The following STK36 variants were observed in gnomAD, a reference collection of about 807,000 sequenced individuals.
STK36 encodes serine/threonine-protein kinase 36.
In STK36, 116 loss-of-function variants were observed where a neutral mutation model predicts 142.2. The ratio of observed to expected loss-of-function variants is 0.82; its 90% CI spans 0.70 to 0.95. The LOEUF (loss-of-function observed/expected upper bound fraction) is 0.95. Ranked by LOEUF, STK36 falls within the 40% of genes least tolerant of loss-of-function variation. STK36 has a pLI of 0.00. For missense variants in STK36, 1,422 were observed against 1,617.2 expected (o/e 0.88, Z 2.07); for synonymous variants, 619 against 641.7 (o/e 0.96, Z 0.53).
At position 218,697,923 on chromosome 2, in the gene STK36, G is replaced by A. The variant is rs781197058; in HGVS notation, c.2979G>A (p.Ala993=). The A allele has an allele frequency of 2.7e-5, 44 of 1,614,008 alleles. No individual in the cohort carries two copies. The highest frequency in any genetic ancestry group is 6.7e-5 in the Admixed American group (4 of 59,988). Residue 993 remains alanine (A), a synonymous_variant, in exon 25 of 27, where the codon GCG becomes GCA. Transcript: ENST00000295709. ...SVCQLLCFPF[A]LDMDADLLIG... The stretch of plus-strand genomic sequence containing the variant: ...GCCAGCTCCTTTGCTTCCCCTTTGC[G>A]CTGGACATGGATGCTGACCTCCTTA...
At chr2:218,699,959 G>A (rs184884262) in intron 26 of STK36, among the ~76,000 whole-genome samples, 204 of 150,168 alleles carry the variant, frequency 1.4e-3, no homozygotes, top group Middle Eastern at 3.4e-3. Flanking sequence ...AGTTTCACTC[G>A]TACTGCCCAG....
In STK36 at chr2:218,702,182, C is replaced by G. The variant is rs1442027369; in HGVS notation, c.*173C>G. Reference sequence around the variant, plus strand: ...TATATATAAAGCTTCTTCCTTCTCCCAGATGCAGGATGTTTTCAACCAGTA... The same window carrying G: ...TATATATAAAGCTTCTTCCTTCTCCGAGATGCAGGATGTTTTCAACCAGTA... On this transcript the variant is annotated 3_prime_UTR_variant, in exon 27 of 27. Coordinates refer to ENST00000295709, the MANE Select transcript of STK36 (RefSeq NM_015690.5). The G allele has an allele frequency of 1.1e-5, 8 of 760,334 alleles. No homozygotes were observed. Among genetic ancestry groups the G allele is most frequent in the Non-Finnish European group, 1.6e-5 (8 of 515,560 alleles). The allele number at this position is 760,334 out of a possible 1,614,324, so 47.1% of individuals were successfully genotyped here.
rs1269167594 is a variant in STK36 at position 218,690,408 on chromosome 2, A to C, written c.1659-42A>C. The C allele has an allele frequency of 2.6e-5, 40 of 1,534,858 alleles. No individual in the cohort carries two copies. In the Admixed American group the frequency reaches 6.3e-4, roughly 24 times the overall value. On this transcript the variant is annotated intron_variant, in intron 13 of 26. Coordinates refer to ENST00000295709, the MANE Select transcript of STK36 (RefSeq NM_015690.5). ...ACCCATTCACCACATCCAGGCTTTT[A>C]GTAGAGAGATAAGAAATCATGGGCT...
At chr2:218,696,655 T>C in intron 22 of STK36, 54 bp downstream of exon 22, 1 of 1,575,390 alleles carries the variant, frequency 6.3e-7, no homozygotes. Flanking sequence ...ACTGGGCATT[T>C]TGGGGAGCCT....
At chr2:218,679,517 A>G (rs367971956) in intron 7 of STK36, 43 bp from the exon 8 acceptor site, 18 of 1,593,582 alleles carry the variant, frequency 1.1e-5, no homozygotes, top group South Asian at 2.3e-5. Context: ...CACAGGGACT[A>G]TGGCCCCCAT....
intron 8 of STK36, 51 bp from the exon 9 acceptor site, chr2:218,679,842 C>A (rs780342281): frequency 1.9e-6 from 3 of 1,605,744 alleles, no homozygotes; most frequent in Non-Finnish European, 2.6e-6. Context: ...TTCATATTGT[C>A]CTATAGCAAT....
rs1009091796 is a variant in STK36, at chr2:218,675,383, A to G, written c.344A>G (p.Tyr115Cys). The stretch of plus-strand genomic sequence containing the variant: ...GCCCAGTTGGTGTCAGCCCTGTACT[A>G]TCTGCATTCCCACCGCATCCTACAC... ...IAAQLVSALY[Y>C]LHSHRILHRD... The change falls in exon 5 of 27, where the codon TAT (tyrosine) becomes TGT (cysteine). Residue 115 changes from tyrosine (Y) to cysteine (C), a missense_variant. Tyr to Cys is a radical substitution (Grantham distance 194). Coordinates refer to ENST00000295709, the MANE Select transcript of STK36 (RefSeq NM_015690.5). 2 of 1,611,832 alleles carry G rather than the reference A, an allele frequency of 1.2e-6. No individual in the cohort carries two copies. The highest frequency in any genetic ancestry group is 2.7e-5 in the African/African-American group (2 of 74,142).
chr2:218,680,118 A>G (rs750396799), intron 9 of STK36, 38 bp downstream of exon 9: 1 of 1,590,468 alleles, frequency 6.3e-7, no homozygotes, highest in African/African-American at 1.3e-5. Context: ...AGGGTGAGGT[A>G]TCTTGCACAT....
chr2:218,679,859 G>T, intron 8 of STK36, 34 bp from the exon 9 acceptor site: 2 of 1,606,366 alleles, frequency 1.2e-6, no homozygotes, highest in East Asian at 2.2e-5. Flanking sequence ...CAATCAAATA[G>T]CTCTGATTCA....
chr2:218,699,743 C>A (rs1467439373), intron 26 of STK36, among the ~76,000 whole-genome samples: 1 of 152,036 alleles, frequency 6.6e-6, no homozygotes, highest in Non-Finnish European at 1.5e-5. Context: ...CCTTTATTAT[C>A]TGGTTTAAAC....
chr2:218,675,967 T>C, intron 5 of STK36, 62 bp from the exon 6 acceptor site: 1 of 1,593,824 alleles, frequency 6.3e-7, no homozygotes. Context: ...CTATGTTAGG[T>C]AGTAGTGACC....
At chr2:218,674,124 G>A (rs1419996347) in intron 4 of STK36, among the ~76,000 whole-genome samples, 168 bp downstream of exon 4, 3 of 152,300 alleles carry the variant, frequency 2.0e-5, no homozygotes, top group East Asian at 3.9e-4. Flanking sequence ...TTATGTAAAC[G>A]TTGGAGTCAA....
intron 10 of STK36, among the ~76,000 whole-genome samples, chr2:218,681,949 T>C (rs992678592): frequency 1.3e-5 from 2 of 152,176 alleles, no homozygotes; most frequent in Non-Finnish European, 2.9e-5. Flanking sequence ...TTTTTTGAGA[T>C]GGAGTTTTGC....
At position 218,679,852 on chromosome 2, in the gene STK36, T is replaced by A. The variant is rs772069756; in HGVS notation, c.949-41T>A. 1.8e-5 allele frequency: 29 copies of A among 1,606,020 alleles called. No homozygotes were observed. In the South Asian group the frequency reaches 2.3e-4, roughly 13 times the overall value. The stretch of plus-strand genomic sequence containing the variant: ...TAGCATTCATATTGTCCTATAGCAA[T>A]CAAATAGCTCTGATTCAGTGTTGCC... On this transcript the variant is annotated intron_variant, in intron 8 of 26. Transcript: ENST00000295709.
intron 26 of STK36, among the ~76,000 whole-genome samples, chr2:218,701,102 A>G (rs1434285964): frequency 2.6e-5 from 4 of 151,424 alleles, no homozygotes; most frequent in African/African-American, 9.7e-5. Context: ...TGGGAAGTTC[A>G]TGCAGAGCAG....
At chr2:218,679,339 A>T (rs537395233) in intron 7 of STK36, 78 bp downstream of exon 7, 1 of 1,435,114 alleles carries the variant, frequency 7.0e-7, no homozygotes, top group East Asian at 2.3e-5. Context: ...TTCCCCGACC[A>T]TCTAGATATA....
intron 24 of STK36, 95 bp downstream of exon 24, chr2:218,697,705 C>A (rs918491778): frequency 3.6e-5 from 58 of 1,591,048 alleles, no homozygotes; most frequent in Admixed American, 1.0e-4. Flanking sequence ...AGCTATAAAG[C>A]AAGAAAGATG....
At position 218,688,728 on chromosome 2, in the gene STK36, A is replaced by G; in HGVS notation, c.1412A>G (p.His471Arg). The change falls in exon 12 of 27, where the codon CAC becomes CGC. Residue 471 changes from histidine to arginine, a missense_variant. By Grantham distance (29) the His-to-Arg change is conservative. Transcript: ENST00000295709. ...AAAGGCATCTTGGAGGGTGCTTCCCACATCCTGCCTGCATTCCGGGTCCTG... is the reference window on the plus strand; with the variant it reads ...AAAGGCATCTTGGAGGGTGCTTCCCGCATCCTGCCTGCATTCCGGGTCCTG... Reference protein sequence around the residue: ...ILKGILEGASHILPAFRVLSS... With the variant: ...ILKGILEGASRILPAFRVLSS... 1 of 1,613,742 alleles carries G rather than the reference A, an allele frequency of 6.2e-7. No individual in the cohort carries two copies.
In STK36 at chr2:218,692,687, G is replaced by A. The variant is rs751003140; in HGVS notation, c.2020G>A (p.Asp674Asn). 1.1e-5 allele frequency: 18 copies of A among 1,612,986 alleles called. No homozygotes were observed. Among genetic ancestry groups the A allele is most frequent in the Admixed American group, 5.0e-5 (3 of 59,964 alleles). ...ATGCACTGCTCCTGTGGGACTGCCC[G>A]ACTGCTGGGATGCCAAGGAGCAGGT... ...AICTAPVGLP[D>N]CWDAKEQVCW... is the part of the protein sequence containing the mutation. The change falls in exon 16 of 27, where the codon GAC becomes AAC. Residue 674 changes from aspartate to asparagine, a missense_variant. Coordinates refer to ENST00000295709, the MANE Select transcript of STK36 (RefSeq NM_015690.5).
Sources: allele counts gnomAD v4.1 joint callset (sites outside exome capture counted in the v4.1 genomes callset), GRCh38; gene constraint gnomAD v4.1.1; transcripts MANE v1.5; gene names NCBI Gene and HGNC (gene_info 2026-07-23, HGNC 2026-07-21).